Variants in DEAF1 observed in about 807,000 individuals in gnomAD.
The protein encoded by DEAF1 is DEAF1 transcription factor.
A neutral mutation model predicts 58.9 loss-of-function variants in DEAF1; 53 were observed. That is an observed-to-expected ratio of 0.90 (90% CI 0.72 to 1.13). The LOEUF (loss-of-function observed/expected upper bound fraction) is 1.13, where lower values mean the gene tolerates loss of function less well. Ranked by LOEUF, DEAF1 falls within the 50% of genes most tolerant of loss-of-function variation. The pLI is 0.00. For synonymous variants in DEAF1, 385 were observed against 340.4 expected (o/e 1.13, Z -1.44); for missense variants, 685 against 791.4 (o/e 0.87, Z 1.61).
At chr11:657,255 T>A (rs537712985) in intron 10 of DEAF1, among the ~76,000 whole-genome samples, 1 of 152,066 alleles carries the variant, frequency 6.6e-6, no homozygotes, top group South Asian at 2.1e-4. Context: ...AGGGGCTGAT[T>A]CCCGGGCCAG....
intron 1 of DEAF1, among the ~76,000 whole-genome samples, chr11:693,302 G>A (rs1044933125): frequency 6.6e-6 from 1 of 152,044 alleles, no homozygotes; most frequent in East Asian, 1.9e-4. Context: ...GTTTAGCGAC[G>A]GACGCCAACC....
upstream of DEAF1, chr11:695,715 C>G (rs539485113): frequency 8.1e-7 from 1 of 1,240,962 alleles, no homozygotes; most frequent in East Asian, 3.2e-5. Flanking sequence ...GCTCCCGAAA[C>G]GCGGCGCGGT....
At chr11:693,150 A>C (rs568009849) in intron 1 of DEAF1, among the ~76,000 whole-genome samples, 1 of 152,368 alleles carries the variant, frequency 6.6e-6, no homozygotes, top group South Asian at 2.1e-4. Context: ...CATATTTTTC[A>C]GAAGAAAACA....
Position 677,921 on chromosome 11 carries a change from C to T in DEAF1, c.1255+773G>A, listed in dbSNP as rs906210779. ...GAGGTTGCAGTGAGCCGAGATCGCACCACTGCACTCCAGCCTGGGCGACAG... is the reference window on the plus strand; with the variant it reads ...GAGGTTGCAGTGAGCCGAGATCGCATCACTGCACTCCAGCCTGGGCGACAG... On this transcript the variant is annotated intron_variant, in intron 9 of 11. Coordinates refer to ENST00000382409, the MANE Select transcript of DEAF1 (RefSeq NM_021008.4). 9.2e-5 allele frequency among the ~76,000 whole-genome samples: 14 copies of T among 151,410 alleles called. No homozygotes were observed. In the East Asian group the frequency reaches 2.3e-3, roughly 25 times the overall value.
chr11:675,909 C>A, intron 9 of DEAF1, among the ~76,000 whole-genome samples: 1 of 138,264 alleles, frequency 7.2e-6, no homozygotes, highest in African/African-American at 2.6e-5. Context: ...CCTGACATCC[C>A]CCCAGCACCT....
At chr11:701,393 C>T (rs1375647760) in intron 1 of DEAF1, among the ~76,000 whole-genome samples, 3 of 140,526 alleles carry the variant, frequency 2.1e-5, no homozygotes, top group Admixed American at 1.5e-4. Context: ...TTGGTAGAGA[C>T]GAGACAAGGT....
chr11:704,578 C>T (rs1861637700), intron 1 of DEAF1: 2 of 1,286,312 alleles, frequency 1.6e-6, no homozygotes, highest in African/African-American at 3.0e-5. Context: ...GAGGACCCAG[C>T]CCACAAACCA....
At chr11:653,333 G>A in intron 11 of DEAF1, among the ~76,000 whole-genome samples, 1 of 144,978 alleles carries the variant, frequency 6.9e-6, no homozygotes, top group Non-Finnish European at 1.5e-5. Flanking sequence ...CTCTGCAGGG[G>A]TGTGGAGGGC....
intron 11 of DEAF1, among the ~76,000 whole-genome samples, chr11:645,048 A>C (rs527624928): frequency 3.3e-5 from 5 of 151,830 alleles, no homozygotes; most frequent in Admixed American, 3.3e-4. Flanking sequence ...CTCTAATCCC[A>C]GCTACTCGGG....
chr11:681,700 A>G (rs951775691), intron 6 of DEAF1, among the ~76,000 whole-genome samples: 17 of 150,584 alleles, frequency 1.1e-4, no homozygotes, highest in African/African-American at 2.2e-4. Context: ...GTGAGCCACC[A>G]CGCCCGGCCG....
Position 705,083 on chromosome 11 carries a change from C to T in DEAF1, c.-438+1489G>A, listed in dbSNP as rs150344825. 1,410 of 210,682 alleles carry T rather than the reference C, an allele frequency of 6.7e-3. 12 individuals are homozygous for T. The highest frequency in any genetic ancestry group is 0.034 in the South Asian group (481 of 14,356). The allele number at this position is 210,682 out of a possible 1,614,324, so 13.1% of individuals were successfully genotyped here. A position where few individuals can be genotyped will look rare whatever the true frequency, so the allele number is the denominator to read the frequency against. On this transcript the variant is annotated intron_variant, in intron 1 of 11. Coordinates refer to the DEAF1 transcript ENST00000683307. ...AGGCACTGGGCCCGAAGGAGGAGGG[C>T]CACTTCCTGCCAGCCCTCCACCGAG...
intron 6 of DEAF1, among the ~76,000 whole-genome samples, chr11:684,144 G>A (rs1234901155): frequency 7.2e-6 from 1 of 139,690 alleles, no homozygotes; most frequent in Non-Finnish European, 1.5e-5. Context: ...TTTTTGAGGT[G>A]CAGTGGCTCA....
rs1860698420 is a variant in DEAF1, at chr11:688,687, C to T, written c.388-227G>A. Among the ~76,000 whole-genome samples, 1 of 152,160 alleles carries T rather than the reference C, an allele frequency of 6.6e-6. No individual in the cohort carries two copies. Among genetic ancestry groups the T allele is most frequent in the Non-Finnish European group, 1.5e-5 (1 of 68,012 alleles). Reference sequence around the variant, plus strand: ...AGTCTGTGTGGTGCTGAGGAAAATGCTTGCCATCATTTGTCAAAGGGAAGG... The same window carrying T: ...AGTCTGTGTGGTGCTGAGGAAAATGTTTGCCATCATTTGTCAAAGGGAAGG... On this transcript the variant is annotated intron_variant, in intron 2 of 11. Coordinates refer to ENST00000382409, the MANE Select transcript of DEAF1 (RefSeq NM_021008.4). This position sits in a 1 kb window ranked among gnomAD's most constrained non-coding sequence, Gnocchi z 4.3.
At chr11:658,203 C>T (rs750144032) in intron 10 of DEAF1, among the ~76,000 whole-genome samples, 14 of 152,098 alleles carry the variant, frequency 9.2e-5, no homozygotes, top group Non-Finnish European at 1.8e-4. Flanking sequence ...CTGAGGCAGG[C>T]GGATCACGAG....
At chr11:657,003 C>A (rs1326908042) in intron 10 of DEAF1, among the ~76,000 whole-genome samples, 1 of 152,102 alleles carries the variant, frequency 6.6e-6, no homozygotes, top group Non-Finnish European at 1.5e-5. Context: ...GATGTTCATA[C>A]ACACAGGTGA....
At position 695,081 on chromosome 11, in the gene DEAF1, C is replaced by T; in HGVS notation, c.-34G>A. 2.8e-6 allele frequency: 4 copies of T among 1,419,800 alleles called. No homozygotes were observed. Among genetic ancestry groups the T allele is most frequent in the Non-Finnish European group, 2.8e-6 (3 of 1,090,270 alleles). 88.0% of individuals were successfully genotyped at this position (1,419,800 alleles called of 1,614,324 possible). ...CGCCGAGCCTTCCCGAAGGCGCCGT[C>T]CGGGACCGCCCGAAGCGCCGGTCGC... On this transcript the variant is annotated 5_prime_UTR_variant, in exon 1 of 12. Transcript: ENST00000382409.
chr11:654,663 T>C (rs1216903357), intron 10 of DEAF1: 4 of 454,146 alleles, frequency 8.8e-6, no homozygotes, highest in Non-Finnish European at 1.8e-5. Context: ...TCACCTGAGG[T>C]CAGGAGTTCA....
At chr11:658,071 T>C (rs1028421580) in intron 10 of DEAF1, among the ~76,000 whole-genome samples, 1 of 152,228 alleles carries the variant, frequency 6.6e-6, no homozygotes, top group African/African-American at 2.4e-5. Flanking sequence ...AGGGACCCTC[T>C]GCGCTCACTT....
rs552962773 is a variant in DEAF1, at chr11:661,384, C to T, written c.1504-7333G>A. On this transcript the variant is annotated intron_variant, in intron 10 of 11. Coordinates refer to ENST00000382409, the MANE Select transcript of DEAF1 (RefSeq NM_021008.4). ...GCAACAATCCCCTTAATAGCTTCAG[C>T]TGGGCTACATTTGATTTTTTTTTTT... Among the ~76,000 whole-genome samples the T allele has an allele frequency of 2.6e-5, 4 of 152,096 alleles. No homozygotes were observed. The South Asian group carries it at 8.3e-4, about 32-fold the overall frequency.
Sources: allele counts gnomAD v4.1 joint callset (sites outside exome capture counted in the v4.1 genomes callset), GRCh38; gene constraint gnomAD v4.1.1; non-coding constraint Gnocchi (gnomAD v3.1); transcripts MANE v1.5; gene names NCBI Gene and HGNC (gene_info 2026-07-23, HGNC 2026-07-21).